Variants in PINX1 observed in about 807,000 individuals in gnomAD.
PINX1 encodes the protein PIN2/TERF1-interacting telomerase inhibitor 1.
In PINX1, 34 loss-of-function variants were observed where a neutral mutation model predicts 25.4. The ratio of observed to expected loss-of-function variants is 1.34; its 90% CI spans 1.02 to 1.78. The LOEUF (loss-of-function observed/expected upper bound fraction) is 1.78. PINX1 is among the 40% of genes most tolerant of loss of function. The pLI, the probability that PINX1 is intolerant of heterozygous loss-of-function variation, is 0.00. For synonymous variants in PINX1, 197 were observed against 147.7 expected (o/e 1.33, Z -2.42); for missense variants, 592 against 404.9 (o/e 1.46, Z -3.97).
At chr8:10,786,016 C>T (rs1220642174) in intron 6 of PINX1, among the ~76,000 whole-genome samples, 2 of 152,170 alleles carry the variant, frequency 1.3e-5, no homozygotes, top group African/African-American at 2.4e-5. Context: ...AGAGCTAGAC[C>T]ACGGTGAGTA....
intron 6 of PINX1, among the ~76,000 whole-genome samples, chr8:10,806,853 T>C (rs1367876164): frequency 6.6e-6 from 1 of 152,098 alleles, no homozygotes; most frequent in Non-Finnish European, 1.5e-5. Flanking sequence ...CCCACGTCCA[T>C]GGCCCCAGCG....
intron 1 of PINX1, 170 bp downstream of exon 1, chr8:10,839,568 G>A (rs546521875): frequency 7.7e-6 from 5 of 650,474 alleles, no homozygotes; most frequent in Non-Finnish European, 1.1e-5. Flanking sequence ...AACTTTCGGG[G>A]AGCTCTGCGG....
At position 10,820,273 on chromosome 8, in the gene PINX1, G is replaced by C. The variant is rs757127622; in HGVS notation, c.395-4C>G. 6.2e-7 allele frequency: 1 copy of C among 1,600,776 alleles called. No homozygotes were observed. Among genetic ancestry groups the C allele is most frequent in the Non-Finnish European group, 8.6e-7 (1 of 1,168,548 alleles). On this transcript the variant is annotated splice_polypyrimidine_tract_variant and splice_region_variant and intron_variant, in intron 5 of 6. Transcript: ENST00000314787. Reference sequence around the variant, plus strand: ...CTCCGAGATGACAGATCCTTCCCTAGAAAAACAATGTGATGCTTTTCAGTA... The same window carrying C: ...CTCCGAGATGACAGATCCTTCCCTACAAAAACAATGTGATGCTTTTCAGTA...
chr8:10,830,968 T>A (rs759092033), intron 4 of PINX1, among the ~76,000 whole-genome samples: 32 of 152,104 alleles, frequency 2.1e-4, no homozygotes, highest in Non-Finnish European at 3.4e-4. Context: ...GGAAAGGAAA[T>A]CAGCATGTTG....
intron 6 of PINX1, among the ~76,000 whole-genome samples, chr8:10,811,973 G>T (rs961161100): frequency 1.3e-5 from 2 of 152,126 alleles, no homozygotes; most frequent in Non-Finnish European, 2.9e-5. Flanking sequence ...GTATCACTGA[G>T]GCCATCTTTG....
chr8:10,790,691 G>T (rs1801895828), intron 6 of PINX1, among the ~76,000 whole-genome samples: 1 of 152,144 alleles, frequency 6.6e-6, no homozygotes, highest in Admixed American at 6.5e-5. Context: ...GCATCCTCTG[G>T]AACAGCGACC....
intron 5 of PINX1, chr8:10,822,189 G>A (rs191325298): frequency 5.9e-5 from 9 of 152,206 alleles, no homozygotes; most frequent in African/African-American, 2.2e-4. Flanking sequence ...CATAAAAGGT[G>A]GACAAAAAGG....
intron 6 of PINX1, among the ~76,000 whole-genome samples, chr8:10,777,836 A>T (rs1382069837): frequency 6.6e-6 from 1 of 152,160 alleles, no homozygotes; most frequent in Non-Finnish European, 1.5e-5. Flanking sequence ...GTAGCACAGG[A>T]TGGATCTGCT....
chr8:10,834,869 A>G (rs1798353003), intron 1 of PINX1, 94 bp from the exon 2 acceptor site: 5 of 798,042 alleles, frequency 6.3e-6, no homozygotes, highest in Non-Finnish European at 1.0e-5. Context: ...TATTTTATGT[A>G]TGTATGTAAA....
chr8:10,767,041 T>C (rs1239393271), intron 6 of PINX1, among the ~76,000 whole-genome samples: 1 of 152,124 alleles, frequency 6.6e-6, no homozygotes, highest in Non-Finnish European at 1.5e-5. Flanking sequence ...ATGCTAAACT[T>C]AGGTTTTCAT....
At chr8:10,799,490 C>CAA (rs1049573649) in intron 6 of PINX1, among the ~76,000 whole-genome samples, 5 of 152,176 alleles carry the variant, frequency 3.3e-5, no homozygotes, top group African/African-American at 1.2e-4. Context: ...GACCTGCCAC[C>CAA]AAAGATTCCA....
rs1183905378 is a variant in PINX1, at chr8:10,837,391, G to A, written c.19+2347C>T. 2.6e-5 allele frequency among the ~76,000 whole-genome samples: 4 copies of A among 152,314 alleles called. No homozygotes were observed. The South Asian group carries it at 6.2e-4, about 24-fold the overall frequency. The stretch of plus-strand genomic sequence containing the variant: ...CCTGGCTTAGCCTGGACTTTGCCCC[G>A]TGCATCTTTTCCTTTTGCCGGCTTT... On this transcript the variant is annotated intron_variant, in intron 1 of 6. Coordinates refer to ENST00000314787, the MANE Select transcript of PINX1 (RefSeq NM_017884.6).
chr8:10,786,869 T>C (rs967362550), intron 6 of PINX1, among the ~76,000 whole-genome samples: 2 of 152,194 alleles, frequency 1.3e-5, no homozygotes, highest in African/African-American at 4.8e-5. Flanking sequence ...CCTCAGCTAG[T>C]GGCAGATTGC....
intron 6 of PINX1, among the ~76,000 whole-genome samples, chr8:10,816,085 A>C (rs1797688590): frequency 6.6e-6 from 1 of 152,160 alleles, no homozygotes; most frequent in Admixed American, 6.5e-5. Flanking sequence ...GTATGCAACT[A>C]TGATTGGGGT....
At chr8:10,807,423 G>A (rs906552338) in intron 6 of PINX1, among the ~76,000 whole-genome samples, 7 of 138,678 alleles carry the variant, frequency 5.0e-5, no homozygotes, top group African/African-American at 8.2e-5. Context: ...TTCAACTACT[G>A]GCTTCCTGAC....
At position 10,834,785 on chromosome 8, in the gene PINX1, A is replaced by T; in HGVS notation, c.20-10T>A. ...TTCTGCTTCCGCCGACCTGTAAATG[A>T]AAAAGCATTATCATCAGCAATGGAG... On this transcript the variant is annotated splice_polypyrimidine_tract_variant and intron_variant, in intron 1 of 6. Coordinates refer to ENST00000314787, the MANE Select transcript of PINX1 (RefSeq NM_017884.6). The T allele has an allele frequency of 1.3e-6, 2 of 1,596,384 alleles. No individual in the cohort carries two copies. The highest frequency in any genetic ancestry group is 8.6e-7 in the Non-Finnish European group (1 of 1,165,686).
chr8:10,797,635 T>A (rs966430648), intron 6 of PINX1, among the ~76,000 whole-genome samples: 1 of 152,184 alleles, frequency 6.6e-6, no homozygotes, highest in African/African-American at 2.4e-5. Context: ...AACCTAAGCA[T>A]TGAGGACCAC....
At chr8:10,791,953 TCCACAGAGGTG>T (rs1311844727) in intron 6 of PINX1, among the ~76,000 whole-genome samples, 1 of 152,122 alleles carries the variant, frequency 6.6e-6, no homozygotes, top group Non-Finnish European at 1.5e-5. Context: ...TCTCAGTCTC[TCCACAGAGGTG>T]CCAGTTACAC....
chr8:10,767,333 G>A (rs564282645), intron 6 of PINX1, among the ~76,000 whole-genome samples: 7 of 152,144 alleles, frequency 4.6e-5, no homozygotes, highest in African/African-American at 1.7e-4. Context: ...CAGCAGAATC[G>A]ATATTAATAT....
Sources: allele counts gnomAD v4.1 joint callset (sites outside exome capture counted in the v4.1 genomes callset), GRCh38; gene constraint gnomAD v4.1.1; transcripts MANE v1.5; gene names NCBI Gene and HGNC (gene_info 2026-07-23, HGNC 2026-07-21).